The following ALMS1 variants were observed in gnomAD, a reference collection of about 807,000 sequenced individuals.
The protein encoded by ALMS1 is centrosome-associated protein ALMS1.
A neutral mutation model predicts 352.2 loss-of-function variants in ALMS1; 271 were observed. The ratio of observed to expected loss-of-function variants is 0.77; its 90% CI spans 0.70 to 0.85. ALMS1 has a LOEUF of 0.85. ALMS1 is among the 40% of genes least tolerant of loss of function. The probability of loss-of-function intolerance (pLI) is 0.00; values close to 1 mark genes in which losing one functional copy is unlikely to be tolerated. For synonymous variants in ALMS1, 1,865 were observed against 1,761.2 expected (o/e 1.06, Z -1.48); for missense variants, 5,445 against 4,870.7 (o/e 1.12, Z -3.51).
At chr2:73,498,511 T>TTG (rs111770942) in intron 10 of ALMS1, among the ~76,000 whole-genome samples, 39,904 of 150,180 alleles carry the variant, frequency 0.27, 5,658 homozygotes, top group African/African-American at 0.38. Context: ...TCTTTCTATT[T>TTG]TGTGTGTGTG....
rs1221929641 is a variant in ALMS1 at position 73,448,609 on chromosome 2, A to G, written c.2082A>G (p.Lys694=). ...GTCATCTAACTGATCAGGCTCTGAA[A>G]GTCTCAGCTGTGTCTGGACCAGCTG... The part of the protein sequence containing the change: ...PDGHLTDQAL[K]VSAVSGPADQ... Residue 694 remains lysine, a synonymous_variant, in exon 8 of 23, where the codon AAA becomes AAG. Coordinates refer to ENST00000613296, the MANE Select transcript of ALMS1 (RefSeq NM_001378454.1). 1.9e-6 allele frequency: 3 copies of G among 1,613,920 alleles called. No individual in the cohort carries two copies. In the Admixed American group the frequency reaches 5.0e-5, roughly 27 times the overall value.
At chr2:73,402,271 T>TC (rs201715722) in intron 1 of ALMS1, among the ~76,000 whole-genome samples, 3,079 of 114,872 alleles carry the variant, frequency 0.027, 80 homozygotes, top group African/African-American at 0.079. Context: ...TCTCTCTCTC[T>TC]TTTTTTTTTT....
chr2:73,488,461 T>C (rs1257594787), intron 9 of ALMS1, among the ~76,000 whole-genome samples: 1 of 152,092 alleles, frequency 6.6e-6, no homozygotes, highest in Admixed American at 6.5e-5. Flanking sequence ...CAGGGGGAGT[T>C]CCCAGATCCC....
In ALMS1 at chr2:73,511,129, G is replaced by T. The variant is rs113230184; in HGVS notation, c.9540-8646G>T. On this transcript the variant is annotated intron_variant, in intron 10 of 22. Transcript: ENST00000613296. ...CGATCTTAGCTTGCTGGACTCCTTG[G>T]GGGTGGGATCCACTGAGCTAGACCA... 3.8e-3 allele frequency among the ~76,000 whole-genome samples: 577 copies of T among 152,288 alleles called. 4 individuals are homozygous for T. The highest frequency in any genetic ancestry group is 0.012 in the African/African-American group (484 of 41,560).
intron 9 of ALMS1, among the ~76,000 whole-genome samples, chr2:73,489,157 G>T (rs1405012732): frequency 6.6e-6 from 1 of 152,140 alleles, no homozygotes; most frequent in African/African-American, 2.4e-5. Flanking sequence ...GATATTGGGG[G>T]AACATGCAGG....
At position 73,449,214 on chromosome 2, in the gene ALMS1, A is replaced by T. The variant is rs1671874811; in HGVS notation, c.2687A>T (p.Gln896Leu). 6.2e-7 allele frequency: 1 copy of T among 1,614,160 alleles called. No homozygotes were observed. The highest frequency in any genetic ancestry group is 1.3e-5 in the African/African-American group (1 of 75,054). ...KVSIVPGPGD[Q>L]KTGIPSAPSS... ...TCAATTGTTCCTGGACCAGGTGATC[A>T]GAAGACTGGGATACCCTCAGCACCA... Residue 896 changes from glutamine (Q) to leucine (L), a missense_variant, in exon 8 of 23, where the codon CAG (glutamine) becomes CTG (leucine). Coordinates refer to ENST00000613296, the MANE Select transcript of ALMS1 (RefSeq NM_001378454.1).
intron 9 of ALMS1, among the ~76,000 whole-genome samples, chr2:73,479,478 G>A (rs1000082140): frequency 1.3e-5 from 2 of 152,138 alleles, no homozygotes; most frequent in Admixed American, 6.5e-5. Context: ...CATATAGTAT[G>A]CAACCTTATT....
intron 15 of ALMS1, among the ~76,000 whole-genome samples, chr2:73,564,041 G>T (rs747109240): frequency 2.0e-5 from 3 of 151,476 alleles, no homozygotes; most frequent in Non-Finnish European, 4.4e-5. Context: ...GGTGTGTGTG[G>T]CTGTGTGTGT....
intron 12 of ALMS1, among the ~76,000 whole-genome samples, chr2:73,541,026 CA>C (rs1479360613): frequency 2.6e-5 from 4 of 152,134 alleles, no homozygotes; most frequent in Non-Finnish European, 5.9e-5. Flanking sequence ...GCAGACCTAA[CA>C]GACATCTACA....
At chr2:73,399,312 T>C (rs1340614650) in intron 1 of ALMS1, among the ~76,000 whole-genome samples, 1 of 152,198 alleles carries the variant, frequency 6.6e-6, no homozygotes, top group Admixed American at 6.5e-5. Flanking sequence ...TATGTCGTCA[T>C]TGTGTTGCTA....
intron 13 of ALMS1, 28 bp from the exon 14 acceptor site, chr2:73,557,192 C>T: frequency 1.9e-6 from 3 of 1,613,774 alleles, no homozygotes; most frequent in South Asian, 1.1e-5. Flanking sequence ...CTTTCCTTTT[C>T]TGAAATCAAA....
rs778264668 is a variant in ALMS1, at chr2:73,386,109, C to G, written c.241C>G (p.Gln81Glu). 1.3e-6 allele frequency: 2 copies of G among 1,588,256 alleles called. No individual in the cohort carries two copies. The highest frequency in any genetic ancestry group is 2.3e-5 in the East Asian group (1 of 43,320). Residue 81 changes from glutamine to glutamate, a missense_variant, in exon 1 of 23, where the codon CAG (glutamine) becomes GAG (glutamate). Physicochemically the swap from Gln to Glu is conservative, Grantham distance 29 (BLOSUM62 2). Coordinates refer to ENST00000613296, the MANE Select transcript of ALMS1 (RefSeq NM_001378454.1). ...GGACGAGGAGGCCAAGGCCTGGCTG[C>G]AGGCGCACCCCGGCAGGATTTTGCC... ...EEDEEAKAWLQAHPGRILPPL... is the reference protein window; with the variant it reads ...EEDEEAKAWLEAHPGRILPPL...
chr2:73,386,397 C>T (rs1032491057), intron 1 of ALMS1, among the ~76,000 whole-genome samples: 2 of 152,192 alleles, frequency 1.3e-5, no homozygotes. Flanking sequence ...CTCGTTTCCT[C>T]CCCCTCGGTG....
chr2:73,529,730 T>C (rs1171572167), intron 11 of ALMS1, among the ~76,000 whole-genome samples: 2 of 152,156 alleles, frequency 1.3e-5, no homozygotes, highest in African/African-American at 2.4e-5. Flanking sequence ...CCTAGAAGTA[T>C]GCTACCTGAG....
rs1463496243 is a variant in ALMS1, at chr2:73,426,471, T to G, written c.1256T>G (p.Val419Gly). The change falls in exon 6 of 23, where the codon GTT becomes GGT. Residue 419 changes from valine to glycine, a missense_variant. Physicochemically the swap from Val to Gly is moderately radical, Grantham distance 109 (BLOSUM62 -3). Coordinates refer to ENST00000613296, the MANE Select transcript of ALMS1 (RefSeq NM_001378454.1). ...TYLTKGLQGK[V>G]ESDVITLDGL... ...TTTGTAGAGGGCCTGCAGGGGAAGG[T>G]TGAGTCTGACGTCATTACTCTGGAT... 9.3e-6 allele frequency: 15 copies of G among 1,614,072 alleles called. No individual in the cohort carries two copies. The highest frequency in any genetic ancestry group is 1.2e-5 in the Non-Finnish European group (14 of 1,179,946).
intron 15 of ALMS1, among the ~76,000 whole-genome samples, chr2:73,561,790 G>C (rs1446778931): frequency 6.6e-6 from 1 of 152,088 alleles, no homozygotes; most frequent in African/African-American, 2.4e-5. Flanking sequence ...CTTTGCAGGG[G>C]TTAGTGTGGG....
chr2:73,496,208 A>G (rs1346823094), intron 10 of ALMS1, among the ~76,000 whole-genome samples: 4 of 152,038 alleles, frequency 2.6e-5, no homozygotes, highest in East Asian at 1.9e-4. Flanking sequence ...AGTTCCATCA[A>G]TCCCCAAATT....
rs1672521706 is a variant in ALMS1, at chr2:73,473,919, GAA to G, written c.7675-15714_7675-15713del. Among the ~76,000 whole-genome samples the G allele has an allele frequency of 2.9e-5, 3 of 102,934 alleles. No individual in the cohort carries two copies. The South Asian group carries it at 1.1e-3, about 38-fold the overall frequency. The allele number at this position is 102,934 out of a possible 152,430, so 67.5% of individuals were successfully genotyped here. A position where few individuals can be genotyped will look rare whatever the true frequency, so the allele number is the denominator to read the frequency against. ...ATATGCATTATGGGATTCTTAGAGG[GAA>G]GAGAGAGAGAGAGAGAGAGAGAGAG... On this transcript the variant is annotated intron_variant, in intron 9 of 22. Transcript: ENST00000613296.
At chr2:73,570,141 G>T (rs1038448292) in intron 15 of ALMS1, among the ~76,000 whole-genome samples, 5 of 152,166 alleles carry the variant, frequency 3.3e-5, no homozygotes, top group Admixed American at 2.0e-4. Flanking sequence ...ATTTTGGCTT[G>T]GGCAGTAGGA....
Sources: allele counts gnomAD v4.1 joint callset (sites outside exome capture counted in the v4.1 genomes callset), GRCh38; gene constraint gnomAD v4.1.1; transcripts MANE v1.5; gene names NCBI Gene and HGNC (gene_info 2026-07-23, HGNC 2026-07-21).